Variants in ACVR1 observed in about 807,000 individuals in gnomAD.
ACVR1 encodes activin A receptor type 1.
In ACVR1, 38 loss-of-function variants were observed where a neutral mutation model predicts 57.1. The observed-to-expected ratio is 0.67, with a 90% CI of 0.51 to 0.87. ACVR1 has a LOEUF of 0.87. ACVR1 is among the 40% of genes least tolerant of loss of function. The probability of loss-of-function intolerance (pLI) is 0.00; values close to 1 mark genes in which losing one functional copy is unlikely to be tolerated. For synonymous variants in ACVR1, 212 were observed against 228.1 expected (o/e 0.93, Z 0.63); for missense variants, 463 against 638.2 (o/e 0.73, Z 2.96).
chr2:157,748,763 C>A (rs1262680668), intron 9 of ACVR1, among the ~76,000 whole-genome samples: 1 of 152,108 alleles, frequency 6.6e-6, no homozygotes, highest in Non-Finnish European at 1.5e-5. Context: ...AAAAAACCAC[C>A]TAAAGGCATG....
At chr2:157,825,743 A>T (rs1418662656) in intron 1 of ACVR1, among the ~76,000 whole-genome samples, 1 of 152,224 alleles carries the variant, frequency 6.6e-6, no homozygotes, top group Non-Finnish European at 1.5e-5. Context: ...TCCTGGGCTA[A>T]CCCCAAGTAG....
chr2:157,856,535 A>T (rs1689539353), intron 1 of ACVR1, among the ~76,000 whole-genome samples: 2 of 152,162 alleles, frequency 1.3e-5, no homozygotes, highest in Non-Finnish European at 2.9e-5. Flanking sequence ...ACCTCCCTCA[A>T]TTCAAACTAA....
chr2:157,813,471 G>A (rs545411578), intron 2 of ACVR1, among the ~76,000 whole-genome samples: 1 of 152,270 alleles, frequency 6.6e-6, no homozygotes, highest in Non-Finnish European at 1.5e-5. Context: ...AGTCTGCATT[G>A]CGGCTAGATG....
chr2:157,772,628 A>G (rs1228248763), intron 6 of ACVR1, among the ~76,000 whole-genome samples: 1 of 152,204 alleles, frequency 6.6e-6, no homozygotes, highest in East Asian at 1.9e-4. Context: ...GATAGCTTGC[A>G]TGGAATAGTA....
chr2:157,821,010 G>A (rs1688143346), intron 1 of ACVR1, among the ~76,000 whole-genome samples: 1 of 152,134 alleles, frequency 6.6e-6, no homozygotes, highest in Non-Finnish European at 1.5e-5. Context: ...AAACTGTGGT[G>A]TACTATAAGA....
intron 5 of ACVR1, among the ~76,000 whole-genome samples, chr2:157,775,322 T>C (rs1686239213): frequency 6.6e-6 from 1 of 152,236 alleles, no homozygotes; most frequent in Non-Finnish European, 1.5e-5. Flanking sequence ...TGATAAGGTT[T>C]TCCTTCTTAC....
intron 1 of ACVR1, among the ~76,000 whole-genome samples, chr2:157,836,378 C>T (rs1027553992): frequency 3.3e-5 from 5 of 152,180 alleles, no homozygotes; most frequent in African/African-American, 1.2e-4. Flanking sequence ...AGTCCGCAGC[C>T]AGGAACCTTG....
chr2:157,764,645 G>A (rs1224555891), intron 8 of ACVR1, among the ~76,000 whole-genome samples: 1 of 152,116 alleles, frequency 6.6e-6, no homozygotes, highest in Non-Finnish European at 1.5e-5. Flanking sequence ...TGAAAGCAGT[G>A]TCAGCACTTG....
intron 10 of ACVR1, among the ~76,000 whole-genome samples, chr2:157,737,905 G>A (rs113734528): frequency 6.6e-6 from 1 of 152,112 alleles, no homozygotes; most frequent in Non-Finnish European, 1.5e-5. Context: ...TTAGGTAAAC[G>A]ACATAGGCCA....
chr2:157,747,040 G>A (rs1223390343), intron 9 of ACVR1, among the ~76,000 whole-genome samples: 1 of 152,082 alleles, frequency 6.6e-6, no homozygotes, highest in Non-Finnish European at 1.5e-5. Context: ...ATTACTCCAA[G>A]AGATCTATCT....
At chr2:157,760,050 C>T (rs1031255210) in intron 9 of ACVR1, among the ~76,000 whole-genome samples, 4 of 152,114 alleles carry the variant, frequency 2.6e-5, no homozygotes, top group African/African-American at 9.7e-5. Context: ...ACAAGAATGC[C>T]TACTTTCACC....
intron 1 of ACVR1, among the ~76,000 whole-genome samples, chr2:157,835,432 A>G (rs1688748622): frequency 6.6e-6 from 1 of 152,224 alleles, no homozygotes; most frequent in Non-Finnish European, 1.5e-5. Flanking sequence ...TTAAAGGGTA[A>G]GTTATTAATA....
At chr2:157,851,880 CA>C (rs1689315417) in intron 1 of ACVR1, among the ~76,000 whole-genome samples, 1 of 3,506 alleles carries the variant, frequency 2.9e-4, no homozygotes, top group Non-Finnish European at 2.6e-3. Flanking sequence ...CACACACACA[CA>C]CACACACACA....
At chr2:157,856,658 A>G (rs1689544555) in intron 1 of ACVR1, among the ~76,000 whole-genome samples, 2 of 152,184 alleles carry the variant, frequency 1.3e-5, no homozygotes, top group Non-Finnish European at 2.9e-5. Context: ...TTCCATGCAC[A>G]TACAGAGAAG....
chr2:157,739,635 T>C (rs1030536660), intron 9 of ACVR1, among the ~76,000 whole-genome samples: 1 of 152,186 alleles, frequency 6.6e-6, no homozygotes, highest in South Asian at 2.1e-4. Flanking sequence ...AGAAGGAGTG[T>C]GAGGAAAGTT....
chr2:157,738,565 C>A lies in ACVR1; in HGVS notation c.1270G>T (p.Val424Leu). The A allele has an allele frequency of 1.2e-6, 2 of 1,614,064 alleles. No individual in the cohort carries two copies. The highest frequency in any genetic ancestry group is 1.7e-6 in the Non-Finnish European group (2 of 1,179,954). ...VARRMVSNGI[V>L]EDYKPPFYDV... ...TAGAACGGTGGCTTGTAATCCTCCA[C>A]TATACCTGCACACAAGGACAAGAAT... Residue 424 changes from valine (V) to leucine (L), a missense_variant, in exon 10 of 11, where the codon GTG becomes TTG. Transcript: ENST00000434821.
intron 2 of ACVR1, among the ~76,000 whole-genome samples, chr2:157,812,118 C>T (rs1240277762): frequency 2.6e-5 from 4 of 152,190 alleles, no homozygotes; most frequent in African/African-American, 4.8e-5. Flanking sequence ...GTTCGGTCCA[C>T]TAAACGGGCC....
At chr2:157,811,787 C>CCAACAA (rs763161183) in intron 2 of ACVR1, among the ~76,000 whole-genome samples, 1 of 150,232 alleles carries the variant, frequency 6.7e-6, no homozygotes, top group Non-Finnish European at 1.5e-5. Context: ...AAAACACCCT[C>CCAACAA]CAACAACAAC....
chr2:157,835,658 A>AATTTTAT (rs1688757249), intron 1 of ACVR1, among the ~76,000 whole-genome samples: 3 of 152,190 alleles, frequency 2.0e-5, no homozygotes, highest in Admixed American at 6.5e-5. Flanking sequence ...AAATTTCTTT[A>AATTTTAT]CCTCAATAAT....
Sources: gnomAD v4.1 joint callset for allele counts (sites outside exome capture counted in the v4.1 genomes callset) on GRCh38, gnomAD v4.1.1 for gene constraint, MANE v1.5 for transcripts, NCBI Gene and HGNC (gene_info 2026-07-23, HGNC 2026-07-21) for gene names.